LRRIQ1: variants seen among roughly 807,000 people sequenced by gnomAD.
LRRIQ1 encodes leucine-rich repeat- and IQ domain-containing protein 1.
In LRRIQ1, 210 loss-of-function variants were observed where a neutral mutation model predicts 211.9. That is an observed-to-expected ratio of 0.99 (90% CI 0.89 to 1.11). The LOEUF (loss-of-function observed/expected upper bound fraction) is 1.11. Ranked by LOEUF, LRRIQ1 falls within the 50% of genes most tolerant of loss-of-function variation. LRRIQ1 has a pLI of 0.00. For missense variants in LRRIQ1, 2,136 were observed against 1,939.5 expected (o/e 1.10, Z -1.90); for synonymous variants, 699 against 650.1 (o/e 1.08, Z -1.14).
At chr12:85,122,255 A>G (rs1430319711) in intron 16 of LRRIQ1, among the ~76,000 whole-genome samples, 2 of 152,116 alleles carry the variant, frequency 1.3e-5, no homozygotes, top group Non-Finnish European at 2.9e-5. Context: ...AAACACCTAG[A>G]ATAGAGTGAG....
rs774053172 is a variant in LRRIQ1 at position 85,066,803 on chromosome 12, T to G, written c.2600T>G (p.Leu867Arg). ...CENLENLCVV[L>R]LNKNQLTSLH... ...AATTTGGAAAATCTCTGTGTTGTTC[T>G]TCTTAATAAAAATCAACTGACTTCT... Residue 867 changes from leucine to arginine, a missense_variant, in exon 10 of 27, where the codon CTT (leucine) becomes CGT (arginine). By Grantham distance (102) the Leu-to-Arg change is moderately radical. Transcript: ENST00000393217. 6.2e-7 allele frequency: 1 copy of G among 1,601,078 alleles called. No homozygotes were observed. Among genetic ancestry groups the G allele is most frequent in the Admixed American group, 1.7e-5 (1 of 58,072 alleles).
intron 24 of LRRIQ1, among the ~76,000 whole-genome samples, chr12:85,213,588 T>A (rs1330847252): frequency 1.3e-5 from 2 of 151,978 alleles, no homozygotes; most frequent in Non-Finnish European, 2.9e-5. Flanking sequence ...ATACTGGCCT[T>A]AAATCAGGTA....
intron 1 of LRRIQ1, among the ~76,000 whole-genome samples, chr12:85,254,098 C>T (rs1026172834): frequency 6.6e-6 from 1 of 151,926 alleles, no homozygotes; most frequent in Non-Finnish European, 1.5e-5. Flanking sequence ...CACCTACCCC[C>T]TTGCTCTCTC....
At chr12:85,160,964 G>A (rs1890837185) in intron 24 of LRRIQ1, among the ~76,000 whole-genome samples, 1 of 151,756 alleles carries the variant, frequency 6.6e-6, no homozygotes, top group Admixed American at 6.6e-5. Context: ...ATTTATATAT[G>A]AACGTTTTAT....
At chr12:85,160,575 A>G in intron 23 of LRRIQ1, 38 bp from the exon 24 acceptor site, 1 of 1,317,492 alleles carries the variant, frequency 7.6e-7, no homozygotes, top group Non-Finnish European at 1.1e-6. Context: ...GAATTAACCA[A>G]AGATGAACTC....
At chr12:85,061,355 G>A (rs923437711) in intron 8 of LRRIQ1, among the ~76,000 whole-genome samples, 1 of 151,598 alleles carries the variant, frequency 6.6e-6, no homozygotes. Flanking sequence ...AAAATCTGTG[G>A]TCGAGTAGGG....
intron 19 of LRRIQ1, among the ~76,000 whole-genome samples, chr12:85,145,969 C>T (rs1889867369): frequency 6.6e-6 from 1 of 151,652 alleles, no homozygotes; most frequent in Non-Finnish European, 1.5e-5. Context: ...TATACTATTC[C>T]AGTGGCCACC....
chr12:85,211,826 A>G (rs1893851007), intron 24 of LRRIQ1, among the ~76,000 whole-genome samples: 1 of 152,200 alleles, frequency 6.6e-6, no homozygotes, highest in Non-Finnish European at 1.5e-5. Context: ...TATTTTAATA[A>G]TATATTTCTT....
chr12:85,267,693 A>C (rs1896452515), downstream of LRRIQ1, among the ~76,000 whole-genome samples: 1 of 152,042 alleles, frequency 6.6e-6, no homozygotes. Flanking sequence ...TTAACTTCAA[A>C]ATAAAACCAG....
chr12:85,057,312 A>G, intron 8 of LRRIQ1, 128 bp downstream of exon 8: 1 of 789,978 alleles, frequency 1.3e-6, no homozygotes, highest in Non-Finnish European at 1.8e-6. Context: ...AAAGTTATGA[A>G]TGAAATATTA....
intron 24 of LRRIQ1, among the ~76,000 whole-genome samples, chr12:85,200,319 G>A (rs907659983): frequency 1.4e-4 from 22 of 152,178 alleles, no homozygotes; most frequent in Middle Eastern, 3.4e-3. Flanking sequence ...ATTGATTTTT[G>A]TATGCTGACA....
rs1159416211 is a variant in LRRIQ1, at chr12:85,198,045, AT to A, written c.4823-31470del. ...TTATTATATATAACATATATAATAT[AT>A]TATATAATTATATATAACATATTAT... On this transcript the variant is annotated intron_variant, in intron 24 of 26. Coordinates refer to ENST00000393217, the MANE Select transcript of LRRIQ1 (RefSeq NM_001079910.2). Among the ~76,000 whole-genome samples the A allele has an allele frequency of 4.7e-3, 237 of 50,368 alleles. 2 individuals carry two copies. In the African/African-American group the frequency reaches 0.067, roughly 14 times the overall value. 33.0% of individuals were successfully genotyped at this position (50,368 alleles called of 152,430 possible). A position where few individuals can be genotyped will look rare whatever the true frequency, so the allele number is the denominator to read the frequency against.
chr12:85,080,763 G>A (rs1884199626), intron 11 of LRRIQ1, among the ~76,000 whole-genome samples: 1 of 151,024 alleles, frequency 6.6e-6, no homozygotes, highest in South Asian at 2.1e-4. Context: ...GTTCAGCAAA[G>A]TTTTTTTATA....
rs545899972 is a variant in LRRIQ1, at chr12:85,244,979, G to C, written c.*38G>C. 6.3e-7 allele frequency: 1 copy of C among 1,597,034 alleles called. No homozygotes were observed. The highest frequency in any genetic ancestry group is 8.5e-7 in the Non-Finnish European group (1 of 1,169,992). ...AATTGATGGAACCTAATGCCAACAA[G>C]CATTCTTTTTCAGATAGGGGGTAGG... On this transcript the variant is annotated 3_prime_UTR_variant, in exon 27 of 27. Coordinates refer to ENST00000393217, the MANE Select transcript of LRRIQ1 (RefSeq NM_001079910.2).
At chr12:85,119,068 A>G (rs1887790784) in intron 15 of LRRIQ1, among the ~76,000 whole-genome samples, 1 of 152,074 alleles carries the variant, frequency 6.6e-6, no homozygotes, top group Non-Finnish European at 1.5e-5. Context: ...GGTGTTTCAT[A>G]ATCTATAAGT....
intron 15 of LRRIQ1, among the ~76,000 whole-genome samples, chr12:85,109,815 T>A (rs1838673597): frequency 6.6e-6 from 1 of 152,146 alleles, no homozygotes; most frequent in African/African-American, 2.4e-5. Context: ...TACTGTGTGA[T>A]CCTGGACAAG....
chr12:85,107,963 G>A (rs1820632839), intron 15 of LRRIQ1, among the ~76,000 whole-genome samples: 1 of 151,996 alleles, frequency 6.6e-6, no homozygotes, highest in Non-Finnish European at 1.5e-5. Flanking sequence ...AATAATAGCT[G>A]TATTAATTTA....
chr12:85,081,304 A>G (rs941055651), intron 11 of LRRIQ1, among the ~76,000 whole-genome samples: 7 of 152,256 alleles, frequency 4.6e-5, no homozygotes, highest in Admixed American at 3.3e-4. Flanking sequence ...TCTTGAGCAG[A>G]TATGTTTATA....
chr12:85,057,211 C>T, intron 8 of LRRIQ1, 27 bp downstream of exon 8: 5 of 1,337,734 alleles, frequency 3.7e-6, no homozygotes, highest in Non-Finnish European at 5.0e-6. Flanking sequence ...AATAATTTTT[C>T]ACATTTAATT....
Sources: allele counts gnomAD v4.1 joint callset (sites outside exome capture counted in the v4.1 genomes callset), GRCh38; gene constraint gnomAD v4.1.1; transcripts MANE v1.5; gene names NCBI Gene and HGNC (gene_info 2026-07-23, HGNC 2026-07-21).